The following AFF3 variants were observed in gnomAD, a reference collection of about 807,000 sequenced individuals.
AFF3 encodes ALF transcription elongation factor 3.
AFF3 carries 32 observed loss-of-function variants against 129.7 expected under a neutral mutation model. The observed-to-expected ratio is 0.25, with a 90% CI of 0.19 to 0.33. The LOEUF is 0.33. Among genes scored for constraint, AFF3 ranks in the 10% least tolerant of loss-of-function variants. The pLI is 1.00. For synonymous variants in AFF3, 644 were observed against 635.4 expected, an observed-to-expected ratio of 1.01 and a Z score of -0.20; for missense variants, 1,373 against 1,592.0, an observed-to-expected ratio of 0.86 and a Z score of 2.34.
intron 15 of AFF3, among the ~76,000 whole-genome samples, chr2:99,587,861 T>C (rs2104899016): frequency 6.6e-6 from 1 of 151,914 alleles, no homozygotes; most frequent in East Asian, 1.9e-4. Flanking sequence ...ATACAAAAAA[T>C]TAGCCAGGTG....
intron 7 of AFF3, among the ~76,000 whole-genome samples, chr2:99,906,746 G>T (rs1340042723): frequency 6.6e-6 from 1 of 151,974 alleles, no homozygotes; most frequent in East Asian, 1.9e-4. Context: ...TGCTCTTCCT[G>T]ATGGCCTGTC....
At chr2:99,741,525 C>T (rs1680720104) in intron 10 of AFF3, among the ~76,000 whole-genome samples, 2 of 152,110 alleles carry the variant, frequency 1.3e-5, no homozygotes, top group African/African-American at 4.8e-5. Flanking sequence ...ACGTGAAGGA[C>T]CTCTTCAAGG....
intron 11 of AFF3, among the ~76,000 whole-genome samples, chr2:99,693,829 A>G (rs1240655509): frequency 6.6e-6 from 1 of 152,068 alleles, no homozygotes; most frequent in Admixed American, 6.6e-5. Context: ...CACTTCTTTT[A>G]TTTCCCACTG....
At chr2:99,957,972 G>A (rs968124448) in intron 7 of AFF3, among the ~76,000 whole-genome samples, 1 of 152,070 alleles carries the variant, frequency 6.6e-6, no homozygotes, top group South Asian at 2.1e-4. Context: ...TAATTAAAAC[G>A]GGATGGTTTT....
At chr2:99,658,195 A>G (rs1358666349) in intron 12 of AFF3, among the ~76,000 whole-genome samples, 1 of 152,232 alleles carries the variant, frequency 6.6e-6, no homozygotes, top group Non-Finnish European at 1.5e-5. Context: ...TAAAGGCTCT[A>G]TGGAGGGCAT....
intron 7 of AFF3, among the ~76,000 whole-genome samples, chr2:99,885,057 G>A (rs1693004774): frequency 6.6e-6 from 1 of 152,096 alleles, no homozygotes; most frequent in Non-Finnish European, 1.5e-5. Context: ...CAGTTCTCCA[G>A]ACTCACCAGC....
intron 4 of AFF3, among the ~76,000 whole-genome samples, chr2:100,049,772 T>A (rs1380369473): frequency 2.0e-5 from 3 of 152,168 alleles, no homozygotes; most frequent in East Asian, 3.9e-4. Flanking sequence ...AAAATCACAG[T>A]TGGGAAAATA....
chr2:99,649,521 A>C, intron 13 of AFF3, 105 bp downstream of exon 13: 3 of 1,256,944 alleles, frequency 2.4e-6, no homozygotes, highest in Non-Finnish European at 2.3e-6. Flanking sequence ...ATCCCAGTTC[A>C]GAGATACTTT....
At chr2:99,682,612 G>A (rs1319195438) in intron 11 of AFF3, among the ~76,000 whole-genome samples, 2 of 152,158 alleles carry the variant, frequency 1.3e-5, no homozygotes, top group East Asian at 1.9e-4. Flanking sequence ...CCACACTTTC[G>A]TCAAGACTGC....
Position 99,901,324 on chromosome 2 carries a change from C to A in AFF3, c.874-63800G>T, listed in dbSNP as rs899133074. ...ACATGTGGATTATTTAGTTTGGCTA[C>A]AGAAAATCTAAACATCACTGCAGCT... On this transcript the variant is annotated intron_variant, in intron 7 of 24. Coordinates refer to ENST00000672756, the MANE Select transcript of AFF3 (RefSeq NM_001386135.1). Among the ~76,000 whole-genome samples, 3 of 152,208 alleles carry A rather than the reference C, an allele frequency of 2.0e-5. No individual in the cohort carries two copies. In the South Asian group the frequency reaches 6.2e-4, roughly 32 times the overall value.
chr2:99,595,675 GGGCTCTT>G (rs1342511812), intron 14 of AFF3, among the ~76,000 whole-genome samples: 1 of 152,158 alleles, frequency 6.6e-6, no homozygotes, highest in Non-Finnish European at 1.5e-5. Context: ...GCAGAACTCA[GGGCTCTT>G]GGCCTCACCC....
intron 4 of AFF3, among the ~76,000 whole-genome samples, chr2:100,040,356 C>T (rs931154088): frequency 1.3e-5 from 2 of 152,170 alleles, no homozygotes; most frequent in African/African-American, 4.8e-5. Flanking sequence ...TACTTTGCTC[C>T]AGGAAAGAGT....
chr2:99,864,237 G>A (rs1691210829), intron 7 of AFF3, among the ~76,000 whole-genome samples: 1 of 152,192 alleles, frequency 6.6e-6, no homozygotes, highest in Admixed American at 6.5e-5. Flanking sequence ...TATTCTCTGG[G>A]ACTGTCACCT....
At chr2:99,584,351 C>T (rs1482044115) in intron 16 of AFF3, among the ~76,000 whole-genome samples, 1 of 152,120 alleles carries the variant, frequency 6.6e-6, no homozygotes, top group Admixed American at 6.5e-5. Flanking sequence ...GCCTGTAATC[C>T]CAGCTACTCA....
In AFF3 at chr2:99,815,828, C is replaced by CTG. The variant is rs1392025243; in HGVS notation, c.921+21648_921+21649insCA. Among the ~76,000 whole-genome samples the CTG allele has an allele frequency of 5.9e-5, 9 of 151,540 alleles. 1 individual carries two copies. The highest frequency in any genetic ancestry group is 3.4e-3 in the Middle Eastern group (1 of 294). On this transcript the variant is annotated intron_variant, in intron 8 of 24. Coordinates refer to ENST00000672756, the MANE Select transcript of AFF3 (RefSeq NM_001386135.1). Reference sequence around the variant, plus strand: ...TGGTTCCTTCTCTCTCTCTCTCTCTCTCTGTGTGTGTGTGTGTACATGGAT... The same window carrying CTG: ...TGGTTCCTTCTCTCTCTCTCTCTCTCTGTCTGTGTGTGTGTGTGTACATGGAT...
At chr2:100,038,491 G>A (rs1205618505) in intron 4 of AFF3, among the ~76,000 whole-genome samples, 3 of 151,914 alleles carry the variant, frequency 2.0e-5, no homozygotes, top group African/African-American at 7.3e-5. Context: ...AACACAAAGA[G>A]AGCTTTGATT....
chr2:99,838,910 T>A (rs1689099467), intron 7 of AFF3, among the ~76,000 whole-genome samples: 1 of 152,164 alleles, frequency 6.6e-6, no homozygotes, highest in African/African-American at 2.4e-5. Context: ...GGGTAGAGCA[T>A]TTCCTTTGAA....
chr2:100,134,147 C>A (rs972419276), intron 1 of AFF3, among the ~76,000 whole-genome samples: 5 of 152,150 alleles, frequency 3.3e-5, no homozygotes, highest in Non-Finnish European at 5.9e-5. Context: ...TTTGCACATA[C>A]ACCCATCAGG....
intron 8 of AFF3, among the ~76,000 whole-genome samples, chr2:99,783,562 A>G (rs1684562110): frequency 6.6e-6 from 1 of 152,220 alleles, no homozygotes; most frequent in Non-Finnish European, 1.5e-5. Context: ...ACACTGTCCT[A>G]AGGACTAAGC....
Sources: allele counts gnomAD v4.1 joint callset (sites outside exome capture counted in the v4.1 genomes callset), GRCh38; gene constraint gnomAD v4.1.1; transcripts MANE v1.5; gene names NCBI Gene and HGNC (gene_info 2026-07-23, HGNC 2026-07-21).